The following KCTD8 variants were observed in gnomAD, a reference collection of about 807,000 sequenced individuals.
KCTD8 encodes the protein potassium channel tetramerization domain containing 8, also known as BTB/POZ domain-containing protein KCTD8.
In KCTD8, 27 loss-of-function variants were observed where a neutral mutation model predicts 31.5. The ratio of observed to expected loss-of-function variants is 0.86; its 90% CI spans 0.63 to 1.18. The LOEUF is 1.18. Among genes scored for constraint, KCTD8 ranks in the 50% most tolerant of loss-of-function variants. KCTD8 has a pLI of 0.00. For missense variants in KCTD8, 658 were observed against 647.7 expected (o/e 1.02, Z -0.17); for synonymous variants, 290 against 280.0 (o/e 1.04, Z -0.36).
In KCTD8 at chr4:44,184,097, C is replaced by T. The variant is rs1577816004; in HGVS notation, c.962-8847G>A. The stretch of plus-strand genomic sequence containing the variant: ...ATGTGCACACACACCTGCACAACCA[C>T]AGTCCCTGATATCAAGTAGTTCAGG... On this transcript the variant is annotated intron_variant, in intron 1 of 1. Transcript: ENST00000360029. 2.0e-5 allele frequency among the ~76,000 whole-genome samples: 3 copies of T among 152,322 alleles called. No homozygotes were observed. In the South Asian group the frequency reaches 6.2e-4, roughly 32 times the overall value.
Position 44,347,183 on chromosome 4 carries a change from A to T in KCTD8, c.961+100380T>A, listed in dbSNP as rs183756691. ...GTAGAAATGAGCAATTGCTCACATTATTTCAAAGCTACTATCATAGCTTAT... is the reference window on the plus strand; with the variant it reads ...GTAGAAATGAGCAATTGCTCACATTTTTTCAAAGCTACTATCATAGCTTAT... On this transcript the variant is annotated intron_variant, in intron 1 of 1. Coordinates refer to ENST00000360029, the MANE Select transcript of KCTD8 (RefSeq NM_198353.3). Among the ~76,000 whole-genome samples, 408 of 152,326 alleles carry T rather than the reference A, an allele frequency of 2.7e-3. 3 individuals are homozygous for T. The highest frequency in any genetic ancestry group is 0.01 in the Middle Eastern group (3 of 294).
In KCTD8 at chr4:44,175,034, G is replaced by A; in HGVS notation, c.1178C>T (p.Ser393Phe). 1 of 1,613,966 alleles carries A rather than the reference G, an allele frequency of 6.2e-7. No homozygotes were observed. The highest frequency in any genetic ancestry group is 8.5e-7 in the Non-Finnish European group (1 of 1,179,962). ...QPNTLTLDRP[S>F]KKAPVQWIPP... ...TATCCATTGTACAGGTGCTTTTTTA[G>A]AGGGGCGATCCAATGTTAAAGTGTT... is the stretch of plus-strand genomic sequence containing the variant. The change falls in exon 2 of 2, where the codon TCT (serine) becomes TTT (phenylalanine). Residue 393 changes from serine (S) to phenylalanine (F), a missense_variant. Ser to Phe is a radical substitution (Grantham distance 155). Coordinates refer to ENST00000360029, the MANE Select transcript of KCTD8 (RefSeq NM_198353.3).
chr4:44,395,313 C>G (rs1334036517), intron 1 of KCTD8, among the ~76,000 whole-genome samples: 1 of 152,028 alleles, frequency 6.6e-6, no homozygotes, highest in East Asian at 1.9e-4. Context: ...ACATGATTAG[C>G]AAAAGGAAAC....
In KCTD8 at chr4:44,447,933, G is replaced by GCCGCCA. The variant is rs1721989664; in HGVS notation, c.585_590dup (p.Gly199_Gly200dup). 4.9e-6 allele frequency: 7 copies of GCCGCCA among 1,428,136 alleles called. No homozygotes were observed. The highest frequency in any genetic ancestry group is 1.6e-5 in the South Asian group (1 of 63,988). 88.5% of individuals were successfully genotyped at this position (1,428,136 alleles called of 1,614,324 possible). The stretch of plus-strand genomic sequence containing the variant: ...AGCGCTTGTCCTGCGCGCCGCCGCC[G>GCCGCCA]CCGCCACCACCGTGCGCTCCCGGGC... On this transcript the variant is annotated inframe_insertion, in exon 1 of 2. Transcript: ENST00000360029.
At chr4:44,308,989 G>A (rs1016138707) in intron 1 of KCTD8, among the ~76,000 whole-genome samples, 1 of 152,002 alleles carries the variant, frequency 6.6e-6, no homozygotes, top group Admixed American at 6.6e-5. Context: ...ATATAGATTA[G>A]ACAAATAACA....
chr4:44,209,945 T>C (rs1714433384), intron 1 of KCTD8, among the ~76,000 whole-genome samples: 1 of 152,128 alleles, frequency 6.6e-6, no homozygotes, highest in Admixed American at 6.5e-5. Flanking sequence ...TGATGGAGAT[T>C]ATAGAATTCT....
chr4:44,415,884 G>C (rs996701947), intron 1 of KCTD8, among the ~76,000 whole-genome samples: 3 of 152,202 alleles, frequency 2.0e-5, no homozygotes, highest in Non-Finnish European at 4.4e-5. Context: ...TGGACCCACA[G>C]AGTCCCCACC....
chr4:44,367,731 G>A (rs1251959568), intron 1 of KCTD8, among the ~76,000 whole-genome samples: 2 of 152,042 alleles, frequency 1.3e-5, no homozygotes, highest in East Asian at 3.9e-4. Context: ...CTAGGCAGGT[G>A]CCTTTTTAAA....
chr4:44,357,757 T>A (rs1043973377), intron 1 of KCTD8, among the ~76,000 whole-genome samples: 27 of 151,894 alleles, frequency 1.8e-4, no homozygotes, highest in Admixed American at 4.6e-4. Context: ...AAGTAGAGAT[T>A]TTTTTTCATA....
chr4:44,269,244 C>T (rs186603562), intron 1 of KCTD8, among the ~76,000 whole-genome samples: 2 of 152,228 alleles, frequency 1.3e-5, no homozygotes, highest in East Asian at 1.9e-4. Flanking sequence ...CACATATCTA[C>T]AACTATCTGA....
chr4:44,375,693 A>T (rs934969783), intron 1 of KCTD8, among the ~76,000 whole-genome samples: 1 of 152,116 alleles, frequency 6.6e-6, no homozygotes, highest in Admixed American at 6.5e-5. Context: ...ATCTATAAAA[A>T]CTGGCTTCCT....
intron 1 of KCTD8, among the ~76,000 whole-genome samples, chr4:44,268,956 C>A (rs1478417215): frequency 6.6e-6 from 1 of 152,144 alleles, no homozygotes; most frequent in Non-Finnish European, 1.5e-5. Flanking sequence ...GTGAAAACGG[C>A]CATCCTGCCC....
chr4:44,341,282 G>A (rs915558680), intron 1 of KCTD8, among the ~76,000 whole-genome samples: 8 of 152,180 alleles, frequency 5.3e-5, no homozygotes, highest in Admixed American at 3.9e-4. Context: ...TCCTTGCCTA[G>A]ATGTTGATGG....
chr4:44,234,458 A>G (rs1715214830), intron 1 of KCTD8, among the ~76,000 whole-genome samples: 1 of 152,176 alleles, frequency 6.6e-6, no homozygotes, highest in South Asian at 2.1e-4. Context: ...GTATCAAAAG[A>G]GATAGTTGAA....
chr4:44,198,830 T>C (rs1055997292), intron 1 of KCTD8, among the ~76,000 whole-genome samples: 5 of 151,886 alleles, frequency 3.3e-5, no homozygotes, highest in African/African-American at 1.2e-4. Flanking sequence ...ATACCAATGA[T>C]CCAAATGCCC....
intron 1 of KCTD8, among the ~76,000 whole-genome samples, chr4:44,348,465 C>T (rs1331656965): frequency 6.6e-6 from 1 of 152,100 alleles, no homozygotes; most frequent in African/African-American, 2.4e-5. Flanking sequence ...TAGCCAGAAT[C>T]TCAAAGAAAG....
intron 1 of KCTD8, among the ~76,000 whole-genome samples, chr4:44,340,706 T>G (rs1718875765): frequency 6.6e-6 from 1 of 152,050 alleles, no homozygotes; most frequent in Non-Finnish European, 1.5e-5. Flanking sequence ...CTACTGATAA[T>G]GCAACAACGT....
chr4:44,221,645 G>A (rs1270580212), intron 1 of KCTD8, among the ~76,000 whole-genome samples: 1 of 152,104 alleles, frequency 6.6e-6, no homozygotes, highest in African/African-American at 2.4e-5. Context: ...GTATGTCCAG[G>A]AGTCCAAAAG....
intron 1 of KCTD8, among the ~76,000 whole-genome samples, chr4:44,355,252 G>A (rs2109426911): frequency 6.6e-6 from 1 of 152,138 alleles, no homozygotes; most frequent in Admixed American, 6.6e-5. Flanking sequence ...TTAAAACAGA[G>A]AACACCAATG....
Sources: gnomAD v4.1 joint callset for allele counts (sites outside exome capture counted in the v4.1 genomes callset) on GRCh38, gnomAD v4.1.1 for gene constraint, MANE v1.5 for transcripts, NCBI Gene and HGNC (gene_info 2026-07-23, HGNC 2026-07-21) for gene names.